Variants in PCDH9 observed in about 807,000 individuals in gnomAD.
PCDH9 encodes the protein protocadherin 9, also known as protocadherin-9.
Under a neutral mutation model 70.6 loss-of-function variants are expected in PCDH9, and 24 were observed. The ratio of observed to expected loss-of-function variants is 0.34; its 90% CI spans 0.25 to 0.48. The LOEUF (loss-of-function observed/expected upper bound fraction) is 0.48, where lower values mean the gene tolerates loss of function less well. Ranked by LOEUF, PCDH9 falls within the 20% of genes least tolerant of loss-of-function variation. The pLI, the probability that PCDH9 is intolerant of heterozygous loss-of-function variation, is 0.99. For missense variants in PCDH9, 1,281 were observed against 1,503.6 expected, an observed-to-expected ratio of 0.85 and a Z score of 2.45; for synonymous variants, 562 against 558.5, an observed-to-expected ratio of 1.01 and a Z score of -0.09.
intron 3 of PCDH9, among the ~76,000 whole-genome samples, chr13:66,667,890 C>A (rs567065189): frequency 1.3e-5 from 2 of 152,160 alleles, no homozygotes; most frequent in African/African-American, 2.4e-5. Flanking sequence ...GGGGAAAAAA[C>A]CTGCAAATGT....
At chr13:66,607,256 T>C (rs1449701471) in intron 4 of PCDH9, among the ~76,000 whole-genome samples, 1 of 152,082 alleles carries the variant, frequency 6.6e-6, no homozygotes, top group African/African-American at 2.4e-5. Flanking sequence ...AGCTTCAGTT[T>C]TTTCATGTGA....
intron 2 of PCDH9, among the ~76,000 whole-genome samples, chr13:67,054,325 C>T (rs940955904): frequency 6.6e-6 from 1 of 151,846 alleles, no homozygotes; most frequent in African/African-American, 2.4e-5. Context: ...TTATTATTTA[C>T]CTATCTACAC....
chr13:66,667,450 G>A (rs370413604), intron 3 of PCDH9, among the ~76,000 whole-genome samples: 1 of 151,826 alleles, frequency 6.6e-6, no homozygotes. Context: ...TTCTCTCAGT[G>A]CCTTTTGAGA....
At chr13:66,970,916 T>C (rs1594328991) in intron 2 of PCDH9, among the ~76,000 whole-genome samples, 1 of 152,024 alleles carries the variant, frequency 6.6e-6, no homozygotes, top group East Asian at 1.9e-4. Flanking sequence ...TAATGATCAG[T>C]GTCAGAATGG....
intron 3 of PCDH9, among the ~76,000 whole-genome samples, chr13:66,749,457 C>T (rs1208262615): frequency 6.6e-6 from 1 of 152,120 alleles, no homozygotes; most frequent in Non-Finnish European, 1.5e-5. Context: ...CTCAGAGTAA[C>T]TCTATGACCT....
At chr13:66,308,103 G>C (rs1955499735) in intron 4 of PCDH9, among the ~76,000 whole-genome samples, 1 of 152,040 alleles carries the variant, frequency 6.6e-6, no homozygotes, top group East Asian at 1.9e-4. Flanking sequence ...TGAGAGGGAA[G>C]TAAAAGGTGT....
intron 4 of PCDH9, among the ~76,000 whole-genome samples, chr13:66,401,352 T>A (rs1024347922): frequency 2.0e-5 from 1 of 49,174 alleles, no homozygotes; most frequent in South Asian, 5.8e-4. Context: ...GTTTTATGAG[T>A]TTTTTTTTCC....
At chr13:66,822,880 A>T (rs1468148487) in intron 3 of PCDH9, among the ~76,000 whole-genome samples, 3 of 152,092 alleles carry the variant, frequency 2.0e-5, no homozygotes, top group Non-Finnish European at 4.4e-5. Context: ...ATTAAATAAA[A>T]ACAATTGAAT....
chr13:66,885,049 C>T (rs185762085), intron 3 of PCDH9, among the ~76,000 whole-genome samples: 210 of 152,270 alleles, frequency 1.4e-3, no homozygotes, highest in African/African-American at 4.8e-3. Flanking sequence ...CTGAATTTTT[C>T]CATCCTCTGC....
intron 3 of PCDH9, among the ~76,000 whole-genome samples, chr13:66,815,992 T>C (rs1285563375): frequency 6.6e-6 from 1 of 152,192 alleles, no homozygotes; most frequent in Non-Finnish European, 1.5e-5. Flanking sequence ...GAACAAATAT[T>C]ACATTGGGCT....
intron 3 of PCDH9, among the ~76,000 whole-genome samples, chr13:66,702,565 G>A (rs1456262579): frequency 6.6e-6 from 1 of 152,258 alleles, no homozygotes; most frequent in Non-Finnish European, 1.5e-5. Context: ...GGTCTTAAAT[G>A]TTCTCATCAC....
At chr13:66,899,505 T>A (rs2139589097) in intron 3 of PCDH9, among the ~76,000 whole-genome samples, 1 of 152,126 alleles carries the variant, frequency 6.6e-6, no homozygotes, top group East Asian at 1.9e-4. Flanking sequence ...TGTAAAATAT[T>A]CTTTAGCTCA....
Position 66,851,295 on chromosome 13 carries a change from G to A in PCDH9, c.3138+52209C>T, listed in dbSNP as rs181423790. Among the ~76,000 whole-genome samples the A allele has an allele frequency of 7.0e-3, 1,062 of 151,978 alleles. 10 individuals carry two copies. Among genetic ancestry groups the A allele is most frequent in the African/African-American group, 0.024 (994 of 41,424 alleles). On this transcript the variant is annotated intron_variant, in intron 3 of 4. Transcript: ENST00000377865. ...TCGTCTGTATTATAAAGATTCACAA[G>A]CTCTTTAAAACAGAAATACAAATAA...
intron 2 of PCDH9, among the ~76,000 whole-genome samples, chr13:66,989,844 A>G (rs1303059910): frequency 6.6e-6 from 1 of 151,862 alleles, no homozygotes; most frequent in African/African-American, 2.4e-5. Flanking sequence ...TTGAACAAAA[A>G]GGTATATTTC....
chr13:67,166,188 C>A (rs185106398), intron 2 of PCDH9, among the ~76,000 whole-genome samples: 1 of 152,078 alleles, frequency 6.6e-6, no homozygotes, highest in Non-Finnish European at 1.5e-5. Context: ...GGCTTCTTAC[C>A]CTGTTTTATT....
chr13:66,894,091 G>T (rs2082137688), intron 3 of PCDH9, among the ~76,000 whole-genome samples: 2 of 152,076 alleles, frequency 1.3e-5, no homozygotes, highest in African/African-American at 4.8e-5. Flanking sequence ...TTTGGCCCCA[G>T]AATCTCTCTT....
intron 4 of PCDH9, among the ~76,000 whole-genome samples, chr13:66,358,640 A>C (rs1019502271): frequency 2.0e-5 from 3 of 151,930 alleles, no homozygotes; most frequent in African/African-American, 7.2e-5. Flanking sequence ...TGGCAACTGG[A>C]TTTCAATATT....
At chr13:66,338,256 C>T (rs1482668631) in intron 4 of PCDH9, among the ~76,000 whole-genome samples, 1 of 152,040 alleles carries the variant, frequency 6.6e-6, no homozygotes, top group Non-Finnish European at 1.5e-5. Context: ...CTCCCTAACA[C>T]CTGTCTTTCT....
chr13:67,183,497 C>T (rs946471618), intron 2 of PCDH9, among the ~76,000 whole-genome samples: 2 of 151,942 alleles, frequency 1.3e-5, no homozygotes, highest in Admixed American at 6.6e-5. Flanking sequence ...TCTCTTGGGT[C>T]TTTGAGATAT....
Sources: gnomAD v4.1 joint callset for allele counts (sites outside exome capture counted in the v4.1 genomes callset) on GRCh38, gnomAD v4.1.1 for gene constraint, MANE v1.5 for transcripts, NCBI Gene and HGNC (gene_info 2026-07-23, HGNC 2026-07-21) for gene names.